TSPAN32: variants seen among roughly 807,000 people sequenced by gnomAD.
The protein encoded by TSPAN32 is tetraspanin-32.
In TSPAN32, 47 loss-of-function variants were observed where a neutral mutation model predicts 42.7. The observed-to-expected ratio is 1.10, with a 90% CI of 0.87 to 1.40. The LOEUF is 1.40. Among genes scored for constraint, TSPAN32 ranks in the 40% most tolerant of loss-of-function variants. The probability of loss-of-function intolerance (pLI) is 0.00; values close to 1 mark genes in which losing one functional copy is unlikely to be tolerated. For missense variants in TSPAN32, 469 were observed against 424.1 expected (o/e 1.11, Z -0.93); for synonymous variants, 175 against 175.9 (o/e 0.99, Z 0.04).
chr11:2,315,994 G>T (rs1163387747), intron 6 of TSPAN32: 8 of 1,533,514 alleles, frequency 5.2e-6, no homozygotes, highest in Non-Finnish European at 7.0e-6. Context: ...CACCGGCCGG[G>T]CCCAGGGCAG....
intron 1 of TSPAN32, 150 bp downstream of exon 1, chr11:2,302,365 T>C: frequency 2.2e-6 from 2 of 908,120 alleles, no homozygotes; most frequent in Non-Finnish European, 3.0e-6. Context: ...TGTCCTGCCC[T>C]TGCAGACAGC....
chr11:2,311,462 T>A (rs956672407), intron 4 of TSPAN32, among the ~76,000 whole-genome samples: 1 of 152,106 alleles, frequency 6.6e-6, no homozygotes, highest in African/African-American at 2.4e-5. Context: ...TAATTCATGC[T>A]CAAATTAAGT....
chr11:2,315,181 C>T (rs963402219), intron 6 of TSPAN32: 3 of 963,604 alleles, frequency 3.1e-6, no homozygotes, highest in African/African-American at 3.6e-5. Context: ...ACCCTGCCCC[C>T]TCCCTGCTCC....
chr11:2,309,548 A>G, intron 4 of TSPAN32: 1 of 354,700 alleles, frequency 2.8e-6, no homozygotes, highest in Non-Finnish European at 5.8e-6. Flanking sequence ...CACCAGGGAC[A>G]GCCACGGGCA....
In TSPAN32 at chr11:2,304,068, T is replaced by C. The variant is rs1347431511; in HGVS notation, c.182-39T>C. On this transcript the variant is annotated intron_variant, in intron 2 of 9. Transcript: ENST00000182290. This position sits in a 1 kb window ranked among gnomAD's most constrained non-coding sequence, Gnocchi z 4.8. ...GGCTGTGTGCACTCAGGACCTGTCC[T>C]GGGCACCCCTAACCCTCCTCCTCTC... 1.3e-6 allele frequency: 2 copies of C among 1,508,770 alleles called. No homozygotes were observed. Among genetic ancestry groups the C allele is most frequent in the East Asian group, 4.9e-5 (2 of 40,970 alleles). 93.5% of individuals were successfully genotyped at this position (1,508,770 alleles called of 1,614,324 possible). A position where few individuals can be genotyped will look rare whatever the true frequency, so the allele number is the denominator to read the frequency against.
chr11:2,306,134 C>T (rs566123444), intron 3 of TSPAN32, among the ~76,000 whole-genome samples: 1 of 151,432 alleles, frequency 6.6e-6, no homozygotes, highest in East Asian at 1.9e-4. Flanking sequence ...CTGCGTGTTG[C>T]ATCTGGCACA....
At position 2,314,540 on chromosome 11, in the gene TSPAN32, A is replaced by G. The variant is rs1848664638; in HGVS notation, c.512A>G (p.Asp171Gly). The change falls in exon 6 of 10, where the codon GAC (aspartate) becomes GGC (glycine). Residue 171 changes from aspartate (D) to glycine (G), a missense_variant. By Grantham distance (94) the Asp-to-Gly change is moderately conservative (BLOSUM62 -1). Transcript: ENST00000182290. ...AGCCGTCTGGGGAGCACAGAGGCTGACCTGTGTCAGGGAGAGGAGGCGGCG... is the reference window on the plus strand; with the variant it reads ...AGCCGTCTGGGGAGCACAGAGGCTGGCCTGTGTCAGGGAGAGGAGGCGGCG... The part of the protein sequence containing the change: ...PFSRLGSTEA[D>G]LCQGEEAARE... The G allele has an allele frequency of 1.2e-6, 2 of 1,612,042 alleles. No individual in the cohort carries two copies. The highest frequency in any genetic ancestry group is 2.7e-5 in the African/African-American group (2 of 74,964).
intron 6 of TSPAN32, chr11:2,314,872 A>C (rs1848686111): frequency 6.9e-6 from 3 of 434,664 alleles, no homozygotes; most frequent in African/African-American, 6.0e-5. Context: ...CAGCCTGGGG[A>C]CTTCCCAAGG....
rs150731413 is a variant in TSPAN32, at chr11:2,316,276, C to T, written c.591C>T (p.Val197=). The T allele has an allele frequency of 6.0e-5, 97 of 1,603,378 alleles. No homozygotes were observed. Among genetic ancestry groups the T allele is most frequent in the Middle Eastern group, 1.6e-4 (1 of 6,072 alleles). Residue 197 remains valine (V), a synonymous_variant, in exon 7 of 10, where the codon GTC becomes GTT. Transcript: ENST00000182290. ...IRSFLRTHQQ[V]ASSLTSIGLA... ...GCTTCCTGAGGACACACCAGCAGGT[C>T]GCCTCCAGCCTGACCAGCATCGGCC...
At chr11:2,305,330 G>A (rs1848010365) in intron 3 of TSPAN32, among the ~76,000 whole-genome samples, 1 of 152,026 alleles carries the variant, frequency 6.6e-6, no homozygotes, top group East Asian at 1.9e-4. Context: ...TCAGGGCCAG[G>A]TGGGAGGCCC....
intron 3 of TSPAN32, among the ~76,000 whole-genome samples, chr11:2,308,236 C>T (rs1428313271): frequency 1.3e-5 from 2 of 152,128 alleles, no homozygotes; most frequent in Non-Finnish European, 2.9e-5. Context: ...ACGCACCCAG[C>T]GCCCACGCTC....
At chr11:2,314,733 G>A (rs1317512714) in intron 6 of TSPAN32, 162 bp downstream of exon 6, 8 of 621,178 alleles carry the variant, frequency 1.3e-5, no homozygotes, top group Middle Eastern at 4.3e-4. Flanking sequence ...TGATGTGATC[G>A]GAGGCTAGTT....
intron 3 of TSPAN32, among the ~76,000 whole-genome samples, chr11:2,305,072 G>T (rs1175330621): frequency 6.6e-6 from 1 of 152,232 alleles, no homozygotes; most frequent in Non-Finnish European, 1.5e-5. Context: ...AGCCTCCTGG[G>T]TCCCCAGGGC....
At chr11:2,315,743 C>A in intron 6 of TSPAN32, 1 of 1,238,782 alleles carries the variant, frequency 8.1e-7, no homozygotes, top group Non-Finnish European at 1.0e-6. Context: ...GGGTGCCATG[C>A]CCTGGGGTGG....
rs1327162461 is a variant in TSPAN32, at chr11:2,304,999, T to TG, written c.279+800dup. On this transcript the variant is annotated intron_variant, in intron 3 of 9. Transcript: ENST00000182290. This position sits in a 1 kb window ranked among gnomAD's most constrained non-coding sequence, Gnocchi z 4.8. The stretch of plus-strand genomic sequence containing the variant: ...CTTTCCAGCCATGAGGAGCTTGTGC[T>TG]GGGGGCTTTGCTTCCCTGTTTAGCC... 6.6e-6 allele frequency among the ~76,000 whole-genome samples: 1 copy of TG among 152,208 alleles called. No homozygotes were observed. Among genetic ancestry groups the TG allele is most frequent in the Non-Finnish European group, 1.5e-5 (1 of 68,028 alleles).
At position 2,316,014 on chromosome 11, in the gene TSPAN32, GC is replaced by G. The variant is rs745552710; in HGVS notation, c.544-212del. 21 of 1,534,192 alleles carry G rather than the reference GC, an allele frequency of 1.4e-5. 1 individual carries two copies. In the South Asian group the frequency reaches 2.5e-4, roughly 18 times the overall value. On this transcript the variant is annotated intron_variant, in intron 6 of 9. Coordinates refer to ENST00000182290, the MANE Select transcript of TSPAN32 (RefSeq NM_139022.3). ...GCCGGGCCCAGGGCAGTGCCAGAGT[GC>G]CCACAGAGGCCAGCCCTGTCCCACT...
At position 2,314,639 on chromosome 11, in the gene TSPAN32, C is replaced by T; in HGVS notation, c.543+68C>T. 3 of 1,333,592 alleles carry T rather than the reference C, an allele frequency of 2.2e-6. No homozygotes were observed. The Admixed American group carries it at 5.9e-5, about 26-fold the overall frequency. The allele number at this position is 1,333,592 out of a possible 1,614,324, so 82.6% of individuals were successfully genotyped here. A position where few individuals can be genotyped will look rare whatever the true frequency, so the allele number is the denominator to read the frequency against. ...GGCTGGACACCCTGGGGCCCAACCC[C>T]AAGACCCAGGGCCATCCTCCCACCC... On this transcript the variant is annotated intron_variant, in intron 6 of 9. Coordinates refer to ENST00000182290, the MANE Select transcript of TSPAN32 (RefSeq NM_139022.3).
chr11:2,315,376 G>C (rs1848724032), intron 6 of TSPAN32: 1 of 1,139,532 alleles, frequency 8.8e-7, no homozygotes, highest in Admixed American at 4.7e-5. Flanking sequence ...TGCTGGGGAG[G>C]GACCAGCGGC....
At chr11:2,302,241 G>C (rs1847792928) in intron 1 of TSPAN32, 26 bp downstream of exon 1, 6 of 1,387,614 alleles carry the variant, frequency 4.3e-6, no homozygotes, top group Non-Finnish European at 5.6e-6. Flanking sequence ...GGCAGGAGTG[G>C]GTGGTGGGTG....
Sources: gnomAD v4.1 joint callset for allele counts (sites outside exome capture counted in the v4.1 genomes callset) on GRCh38, gnomAD v4.1.1 for gene constraint, Gnocchi (gnomAD v3.1) non-coding constraint, MANE v1.5 for transcripts, NCBI Gene and HGNC (gene_info 2026-07-23, HGNC 2026-07-21) for gene names.